Variants in SRGAP2 observed in about 807,000 individuals in gnomAD.
The protein encoded by SRGAP2 is SLIT-ROBO Rho GTPase activating protein 2.
SRGAP2 carries 15 observed loss-of-function variants against 57.2 expected under a neutral mutation model. The ratio of observed to expected loss-of-function variants is 0.26; its 90% CI spans 0.18 to 0.40. The LOEUF is 0.40. Among genes scored for constraint, SRGAP2 ranks in the 10% least tolerant of loss-of-function variants. The probability of loss-of-function intolerance (pLI) is 1.00; values close to 1 mark genes in which losing one functional copy is unlikely to be tolerated. For synonymous variants in SRGAP2, 249 were observed against 248.0 expected (o/e 1.00, Z -0.04); for missense variants, 520 against 669.6 (o/e 0.78, Z 2.47).
intron 11 of SRGAP2, 104 bp from the exon 12 acceptor site, chr1:206,419,269 G>C (rs1189116385): frequency 2.7e-6 from 2 of 741,266 alleles, no homozygotes; most frequent in Admixed American, 1.9e-5. Flanking sequence ...CTGTTATACT[G>C]TGGCTGTCTA....
chr1:206,433,746 A>C (rs1661481654), intron 14 of SRGAP2, among the ~76,000 whole-genome samples: 1 of 152,200 alleles, frequency 6.6e-6, no homozygotes, highest in African/African-American at 2.4e-5. Context: ...GAATAACGTA[A>C]CCACAATGAA....
At chr1:206,439,004 G>A (rs1272287736) in intron 16 of SRGAP2, among the ~76,000 whole-genome samples, 1 of 152,158 alleles carries the variant, frequency 6.6e-6, no homozygotes, top group Non-Finnish European at 1.5e-5. Context: ...AGTGAGTTAT[G>A]TGGGTGATTA....
chr1:206,458,875 G>A lies in SRGAP2; in HGVS notation c.2760G>A (p.Arg920=). The A allele has an allele frequency of 1.3e-6, 1 of 780,540 alleles. No individual in the cohort carries two copies. The highest frequency in any genetic ancestry group is 2.4e-6 in the Non-Finnish European group (1 of 417,842). The allele number at this position is 780,540 out of a possible 1,614,324, so 48.4% of individuals were successfully genotyped here. Residue 920 remains arginine (R), a synonymous_variant, in exon 22 of 23, where the codon CGG becomes CGA. Coordinates refer to ENST00000573034, the MANE Select transcript of SRGAP2 (RefSeq NM_015326.5). ...ATCGGCTGGATAGTCCACAGATCCG[G>A]AAGACTGCCACAGCGGGAAGGTCAA... The part of the protein sequence containing the change: ...LKNRLDSPQI[R]KTATAGRSKS...
chr1:206,355,882 G>A (rs1558340948), intron 4 of SRGAP2, among the ~76,000 whole-genome samples: 1 of 152,132 alleles, frequency 6.6e-6, no homozygotes, highest in Non-Finnish European at 1.5e-5. Context: ...GAGGAGAATC[G>A]CTTGAACCTG....
At chr1:206,437,872 G>A (rs1372440877) in intron 15 of SRGAP2, 92 bp from the exon 16 acceptor site, 8 of 747,172 alleles carry the variant, frequency 1.1e-5, no homozygotes, top group South Asian at 4.4e-5. Flanking sequence ...TTGGGACCAG[G>A]ACATGCATGG....
intron 15 of SRGAP2, chr1:206,437,676 G>A: frequency 3.0e-6 from 1 of 334,854 alleles, no homozygotes; most frequent in Non-Finnish European, 5.5e-6. Context: ...GTGAGATACA[G>A]TTGCTGTGTC....
intron 13 of SRGAP2, among the ~76,000 whole-genome samples, chr1:206,429,086 C>T (rs1261111719): frequency 6.6e-6 from 1 of 152,174 alleles, no homozygotes; most frequent in Non-Finnish European, 1.5e-5. Context: ...CACTAATGTT[C>T]ATGTGTTAAT....
At chr1:206,430,365 T>G (rs1661188638) in intron 14 of SRGAP2, 143 bp downstream of exon 14, 2 of 643,520 alleles carry the variant, frequency 3.1e-6, no homozygotes, top group Non-Finnish European at 5.7e-6. Context: ...CCACATAACT[T>G]TTGCTACCTC....
intron 5 of SRGAP2, among the ~76,000 whole-genome samples, chr1:206,389,441 T>C (rs540253336): frequency 6.6e-6 from 1 of 152,300 alleles, no homozygotes; most frequent in East Asian, 1.9e-4. Flanking sequence ...CCTCCCAAAG[T>C]GCTGGGATTA....
At chr1:206,254,179 GTT>G (rs373417477) in intron 2 of SRGAP2, among the ~76,000 whole-genome samples, 13 of 47,122 alleles carry the variant, frequency 2.8e-4, no homozygotes, top group Non-Finnish European at 4.1e-4. Flanking sequence ...TGCTTTTTCT[GTT>G]TTTTTTTTTT....
chr1:206,372,962 TTCC>T (rs1558358984), intron 4 of SRGAP2, among the ~76,000 whole-genome samples: 2 of 10,182 alleles, frequency 2.0e-4, no homozygotes, highest in Admixed American at 1.8e-3. Context: ...TTTCTTTTCT[TTCC>T]TTTCTTTCTT....
intron 4 of SRGAP2, among the ~76,000 whole-genome samples, chr1:206,359,672 C>T (rs1411768218): frequency 4.2e-5 from 5 of 118,870 alleles, no homozygotes; most frequent in Admixed American, 8.9e-5. Context: ...ACAAAAAGTT[C>T]TTGCCTTCAT....
At chr1:206,358,418 A>G (rs1432500047) in intron 4 of SRGAP2, among the ~76,000 whole-genome samples, 1 of 149,822 alleles carries the variant, frequency 6.7e-6, no homozygotes, top group Non-Finnish European at 1.5e-5. Flanking sequence ...ATATTATCAT[A>G]TAGGCTAGAA....
intron 2 of SRGAP2, among the ~76,000 whole-genome samples, chr1:206,248,927 A>G (rs1668664387): frequency 1.3e-5 from 2 of 151,056 alleles, no homozygotes; most frequent in African/African-American, 4.9e-5. Context: ...CTCTCAATAT[A>G]ACAGCTAGAA....
intron 2 of SRGAP2, among the ~76,000 whole-genome samples, chr1:206,216,177 TG>T (rs527287919): frequency 0.01 from 1,503 of 149,066 alleles, 28 homozygotes; most frequent in African/African-American, 0.035. Flanking sequence ...CACGGGGGTG[TG>T]TTTCTCCTTA....
intron 2 of SRGAP2, among the ~76,000 whole-genome samples, chr1:206,229,512 C>T (rs1375070095): frequency 6.6e-6 from 1 of 152,170 alleles, no homozygotes; most frequent in Non-Finnish European, 1.5e-5. Context: ...AGCAGTTTGG[C>T]TGTCAAAAGG....
At chr1:206,381,154 A>G (rs1213219171) in intron 4 of SRGAP2, among the ~76,000 whole-genome samples, 1 of 152,240 alleles carries the variant, frequency 6.6e-6, no homozygotes, top group Non-Finnish European at 1.5e-5. Flanking sequence ...CAGTACATGA[A>G]AGGAAACATC....
At chr1:206,397,219 A>G (rs1308849143) in intron 7 of SRGAP2, among the ~76,000 whole-genome samples, 5 of 152,014 alleles carry the variant, frequency 3.3e-5, no homozygotes, top group Non-Finnish European at 5.9e-5. Context: ...TTTTGTCAGC[A>G]TGATGTTTTT....
intron 2 of SRGAP2, among the ~76,000 whole-genome samples, chr1:206,249,625 A>G (rs1553310791): frequency 6.7e-6 from 1 of 150,038 alleles, no homozygotes; most frequent in East Asian, 2.0e-4. Context: ...GATAGCATTA[A>G]GAGAAATACC....
Sources: gnomAD v4.1 joint callset for allele counts (sites outside exome capture counted in the v4.1 genomes callset) on GRCh38, gnomAD v4.1.1 for gene constraint, MANE v1.5 for transcripts, NCBI Gene and HGNC (gene_info 2026-07-23, HGNC 2026-07-21) for gene names.